APLF: variants seen among roughly 807,000 people sequenced by gnomAD.
The protein encoded by APLF is aprataxin and PNK-like factor.
Under a neutral mutation model 55.6 loss-of-function variants are expected in APLF, and 61 were observed. The ratio of observed to expected loss-of-function variants is 1.10; its 90% CI spans 0.89 to 1.36. APLF has a LOEUF of 1.36. Ranked by LOEUF, APLF falls within the 40% of genes most tolerant of loss-of-function variation. APLF has a pLI of 0.00. For missense variants in APLF, 611 were observed against 602.5 expected (o/e 1.01, Z -0.15); for synonymous variants, 207 against 214.8 (o/e 0.96, Z 0.32).
intron 3 of APLF, among the ~76,000 whole-genome samples, chr2:68,509,917 A>G (rs1430503143): frequency 7.2e-5 from 11 of 151,952 alleles, no homozygotes; most frequent in Admixed American, 6.6e-4. Context: ...TGTCCTTTGT[A>G]GGGACATGGA....
chr2:68,553,493 G>A (rs942570422), intron 8 of APLF, among the ~76,000 whole-genome samples: 2 of 151,924 alleles, frequency 1.3e-5, no homozygotes, highest in African/African-American at 4.8e-5. Flanking sequence ...ATTTTTATTA[G>A]CTATATACTG....
At position 68,578,190 on chromosome 2, in the gene APLF, A is replaced by C; in HGVS notation, c.*168A>C. 1 of 1,370,614 alleles carries C rather than the reference A, an allele frequency of 7.3e-7. No homozygotes were observed. The highest frequency in any genetic ancestry group is 1.5e-5 in the African/African-American group (1 of 68,460). 84.9% of individuals were successfully genotyped at this position (1,370,614 alleles called of 1,614,324 possible). On this transcript the variant is annotated 3_prime_UTR_variant, in exon 10 of 10. Transcript: ENST00000303795. ...AGACATTGAAACGTCAGCCTTCAGT[A>C]TAATAGATGGAATTTTTTGTTGCCT...
intron 1 of APLF, among the ~76,000 whole-genome samples, chr2:68,469,891 A>G (rs1675565273): frequency 6.6e-6 from 1 of 152,268 alleles, no homozygotes; most frequent in Non-Finnish European, 1.5e-5. Context: ...GACAAGCTTC[A>G]CAAACCTTGA....
chr2:68,570,997 G>A (rs1275929387), intron 9 of APLF, among the ~76,000 whole-genome samples: 2 of 152,166 alleles, frequency 1.3e-5, no homozygotes, highest in Non-Finnish European at 2.9e-5. Flanking sequence ...TCTAACTGGT[G>A]TGAGATGGTA....
intron 1 of APLF, among the ~76,000 whole-genome samples, chr2:68,480,152 T>C (rs1675908169): frequency 6.6e-6 from 1 of 152,150 alleles, no homozygotes; most frequent in Non-Finnish European, 1.5e-5. Flanking sequence ...CCCATATTGT[T>C]AAAGTATCCT....
intron 2 of APLF, among the ~76,000 whole-genome samples, chr2:68,493,292 T>G (rs1486312571): frequency 6.6e-6 from 1 of 152,106 alleles, no homozygotes; most frequent in Non-Finnish European, 1.5e-5. Flanking sequence ...GAGGAGTTTT[T>G]ATCAGTAAAT....
At chr2:68,525,680 G>A (rs1021152599) in intron 5 of APLF, among the ~76,000 whole-genome samples, 12 of 149,204 alleles carry the variant, frequency 8.0e-5, no homozygotes, top group Non-Finnish European at 1.2e-4. Flanking sequence ...TTCCAAGTTA[G>A]CATTACTATA....
chr2:68,497,581 C>CT (rs111444956), intron 2 of APLF, among the ~76,000 whole-genome samples: 2,473 of 145,126 alleles, frequency 0.017, 42 homozygotes, highest in African/African-American at 0.047. Flanking sequence ...TCAATTAAAC[C>CT]TTTTTTTTTT....
Position 68,578,017 on chromosome 2 carries a change from A to T in APLF, c.1531A>T (p.Lys511Ter). The part of the protein sequence containing the change: ...LKEAKRFMKR[K>*] ...AGAAGCAAAAAGGTTTATGAAAAGA[A>T]AATAGTAACTAACTTCTGTAGTCAT... is the stretch of plus-strand genomic sequence containing the variant. The change falls in exon 10 of 10, where the codon AAA (lysine) becomes TAA (stop). Residue 511 changes from lysine to a stop codon, truncating the protein, a stop_gained. Transcript: ENST00000303795. LOFTEE classifies it high-confidence loss of function. The T allele has an allele frequency of 6.2e-7, 1 of 1,611,872 alleles. No individual in the cohort carries two copies. Among genetic ancestry groups the T allele is most frequent in the East Asian group, 2.2e-5 (1 of 44,704 alleles).
Position 68,565,669 on chromosome 2 carries a change from T to C in APLF, c.1287-1672T>C, listed in dbSNP as rs140784155. 2.1e-3 allele frequency among the ~76,000 whole-genome samples: 326 copies of C among 152,204 alleles called. 1 individual carries two copies. Among genetic ancestry groups the C allele is most frequent in the African/African-American group, 7.3e-3 (305 of 41,560 alleles). ...TTGTTAGAAATTATTTTACTTTGTT[T>C]ACCAATATCACAATAGTATCGAAGG... On this transcript the variant is annotated intron_variant, in intron 8 of 9. Transcript: ENST00000303795.
intron 6 of APLF, chr2:68,535,396 C>G: frequency 2.8e-6 from 1 of 353,674 alleles, no homozygotes; most frequent in Non-Finnish European, 5.7e-6. Flanking sequence ...TTGTATCCTT[C>G]TAACTCTTTT....
intron 6 of APLF, chr2:68,528,851 C>G: frequency 6.6e-7 from 1 of 1,520,384 alleles, no homozygotes; most frequent in Non-Finnish European, 8.8e-7. Context: ...CTCCAAGGGC[C>G]TGGGATTGTA....
At position 68,577,123 on chromosome 2, in the gene APLF, G is replaced by C. The variant is rs113244291; in HGVS notation, c.1334-697G>C. Among the ~76,000 whole-genome samples the C allele has an allele frequency of 2.2e-4, 33 of 152,268 alleles. 1 individual carries two copies. The highest frequency in any genetic ancestry group is 7.5e-4 in the African/African-American group (31 of 41,578). ...AAACATGAACTGTAAGAATATCTTA[G>C]ACCTATAAAACTAAACTTTCCAAAG... On this transcript the variant is annotated intron_variant, in intron 9 of 9. Transcript: ENST00000303795.
chr2:68,470,666 G>T (rs1188611963), intron 1 of APLF, among the ~76,000 whole-genome samples: 1 of 152,112 alleles, frequency 6.6e-6, no homozygotes, highest in African/African-American at 2.4e-5. Flanking sequence ...TCTGATTTCA[G>T]ATTTTTCTTA....
chr2:68,489,703 G>C (rs1012440580), intron 1 of APLF, among the ~76,000 whole-genome samples: 2 of 152,154 alleles, frequency 1.3e-5, no homozygotes, highest in Non-Finnish European at 2.9e-5. Context: ...AGTTCTGCCT[G>C]ATCTGGGTCT....
intron 9 of APLF, among the ~76,000 whole-genome samples, chr2:68,572,272 T>G (rs146006490): frequency 2.1e-3 from 314 of 152,220 alleles, no homozygotes; most frequent in African/African-American, 7.2e-3. Flanking sequence ...GAATACCAAC[T>G]AGTTGCTTAG....
At chr2:68,516,060 T>C (rs940624839) in intron 5 of APLF, among the ~76,000 whole-genome samples, 15 of 151,870 alleles carry the variant, frequency 9.9e-5, no homozygotes, top group African/African-American at 3.4e-4. Flanking sequence ...ACTGTGGTTA[T>C]TGGTCTTTAT....
At chr2:68,479,683 A>C (rs942228501) in intron 1 of APLF, among the ~76,000 whole-genome samples, 7 of 152,226 alleles carry the variant, frequency 4.6e-5, no homozygotes, top group African/African-American at 7.2e-5. Flanking sequence ...AAATGGTGGA[A>C]TAAGATTGGA....
intron 2 of APLF, among the ~76,000 whole-genome samples, chr2:68,490,951 T>C (rs1307212166): frequency 6.6e-6 from 1 of 152,228 alleles, no homozygotes; most frequent in Non-Finnish European, 1.5e-5. Context: ...TATAACTTTT[T>C]AAAACCAATT....
Sources: allele counts gnomAD v4.1 joint callset (sites outside exome capture counted in the v4.1 genomes callset), GRCh38; gene constraint gnomAD v4.1.1; transcripts MANE v1.5; gene names NCBI Gene and HGNC (gene_info 2026-07-23, HGNC 2026-07-21).